Variants in MAD1L1 observed in about 807,000 individuals in gnomAD.
The protein encoded by MAD1L1 is mitotic spindle assembly checkpoint protein MAD1.
A neutral mutation model predicts 96.9 loss-of-function variants in MAD1L1; 95 were observed. The ratio of observed to expected loss-of-function variants is 0.98; its 90% confidence interval spans 0.83 to 1.16. The LOEUF (loss-of-function observed/expected upper bound fraction) is 1.16. Ranked by LOEUF, MAD1L1 falls within the 50% of genes most tolerant of loss-of-function variation. The probability of loss-of-function intolerance (pLI) is 0.00; values close to 1 mark genes in which losing one functional copy is unlikely to be tolerated. For synonymous variants in MAD1L1, 473 were observed against 396.6 expected (o/e 1.19, Z -2.29); for missense variants, 1,007 against 954.4 (o/e 1.06, Z -0.73).
chr7:2,091,260 G>A (rs922427924), intron 11 of MAD1L1, among the ~76,000 whole-genome samples: 22 of 152,198 alleles, frequency 1.4e-4, no homozygotes, highest in African/African-American at 4.1e-4. Context: ...TCCTCCTACC[G>A]AGAACAGTGC....
At chr7:1,902,568 T>G (rs1337624696) in intron 17 of MAD1L1, among the ~76,000 whole-genome samples, 1 of 152,260 alleles carries the variant, frequency 6.6e-6, no homozygotes, top group African/African-American at 2.4e-5. Flanking sequence ...CGACGGATCT[T>G]AGGAGTGCAG....
At chr7:2,188,398 A>G (rs1315019926) in intron 10 of MAD1L1, among the ~76,000 whole-genome samples, 2 of 152,244 alleles carry the variant, frequency 1.3e-5, no homozygotes, top group Non-Finnish European at 2.9e-5. Context: ...CAATCTTGAA[A>G]AGTTAGAACA....
chr7:1,898,072 C>T, intron 18 of MAD1L1, 128 bp downstream of exon 18: 3 of 1,007,124 alleles, frequency 3.0e-6, no homozygotes, highest in African/African-American at 1.6e-5. Context: ...CACCTCCTTC[C>T]CGCCCAGCCC....
chr7:2,152,230 G>A (rs1434965734), intron 10 of MAD1L1, among the ~76,000 whole-genome samples: 1 of 152,218 alleles, frequency 6.6e-6, no homozygotes, highest in Non-Finnish European at 1.5e-5. Flanking sequence ...TAGGCCCCCA[G>A]ATCCCTGCCG....
chr7:2,216,895 G>A (rs1017656851), intron 7 of MAD1L1, among the ~76,000 whole-genome samples: 6 of 152,146 alleles, frequency 3.9e-5, no homozygotes, highest in South Asian at 4.1e-4. Flanking sequence ...CAGGGGCCTC[G>A]AAGCTGCTTC....
chr7:2,007,404 C>T lies in MAD1L1; in HGVS notation c.1360-5283G>A, dbSNP rs150877769. Among the ~76,000 whole-genome samples, 1,242 of 152,336 alleles carry T rather than the reference C, an allele frequency of 8.2e-3. 6 individuals carry two copies. The highest frequency in any genetic ancestry group is 0.013 in the Admixed American group (194 of 15,302). On this transcript the variant is annotated intron_variant, in intron 13 of 18. Transcript: ENST00000265854. ...GGCAATGTCTTAAGAAGTTAGGGCC[C>T]GGCCCGGTGGCTCACGCCTGGAATC... is the stretch of plus-strand genomic sequence containing the variant.
At chr7:2,130,990 C>T (rs894581631) in intron 11 of MAD1L1, among the ~76,000 whole-genome samples, 1 of 152,230 alleles carries the variant, frequency 6.6e-6, no homozygotes, top group Non-Finnish European at 1.5e-5. Flanking sequence ...GGAACTTCCA[C>T]GCTTCGGAAC....
intron 18 of MAD1L1, among the ~76,000 whole-genome samples, chr7:1,893,876 G>A (rs957198015): frequency 1.3e-5 from 2 of 152,232 alleles, no homozygotes; most frequent in African/African-American, 4.8e-5. Context: ...CAGGGCCACC[G>A]CTGCATGGCC....
chr7:1,949,092 C>T (rs764514690), intron 16 of MAD1L1, among the ~76,000 whole-genome samples: 4 of 152,160 alleles, frequency 2.6e-5, no homozygotes, highest in African/African-American at 7.2e-5. Context: ...CAACGCTGCC[C>T]GGGCCCTGCT....
intron 10 of MAD1L1, among the ~76,000 whole-genome samples, chr7:2,157,308 C>T (rs1789895408): frequency 1.3e-5 from 2 of 152,164 alleles, no homozygotes; most frequent in Admixed American, 1.3e-4. Context: ...GATCAGGAAG[C>T]GGTAATGATG....
chr7:2,117,208 C>T (rs1356403990), intron 11 of MAD1L1, among the ~76,000 whole-genome samples: 2 of 152,322 alleles, frequency 1.3e-5, no homozygotes, highest in Non-Finnish European at 2.9e-5. Context: ...CTGGGGGCCA[C>T]CGTCAGGGAG....
chr7:1,924,126 G>T (rs1440607666), intron 17 of MAD1L1, among the ~76,000 whole-genome samples: 5 of 152,222 alleles, frequency 3.3e-5, no homozygotes, highest in Non-Finnish European at 5.9e-5. Flanking sequence ...GGAGATGCTG[G>T]AATTATCGAG....
intron 16 of MAD1L1, among the ~76,000 whole-genome samples, chr7:1,952,898 C>A (rs1220980183): frequency 6.6e-6 from 1 of 152,228 alleles, no homozygotes; most frequent in Non-Finnish European, 1.5e-5. Context: ...GCGGGAGAGG[C>A]CAGACCTGAG....
intron 10 of MAD1L1, among the ~76,000 whole-genome samples, chr7:2,160,585 G>T (rs573091996): frequency 2.6e-5 from 4 of 151,804 alleles, no homozygotes; most frequent in African/African-American, 4.8e-5. Context: ...TGCCCGCTTC[G>T]GCCTCCCAAA....
At chr7:2,197,839 C>T (rs1415706152) in intron 10 of MAD1L1, among the ~76,000 whole-genome samples, 1 of 152,152 alleles carries the variant, frequency 6.6e-6, no homozygotes, top group Admixed American at 6.5e-5. Flanking sequence ...AACACACATT[C>T]CCAAAACAGA....
chr7:1,936,814 G>C lies in MAD1L1; in HGVS notation c.1680C>G (p.Asp560Glu). ...TSVARQRLRE[D>E]HSQLQAECER... Reference sequence around the variant, plus strand: ...CGCACTCCGCCTGCAGCTGGCTGTGGTCCTCGCGCAGGCGCTGCCTGGCCA... The same window carrying C: ...CGCACTCCGCCTGCAGCTGGCTGTGCTCCTCGCGCAGGCGCTGCCTGGCCA... Residue 560 changes from aspartate (D) to glutamate (E), a missense_variant, in exon 17 of 19, where the codon GAC becomes GAG. Coordinates refer to ENST00000265854, the MANE Select transcript of MAD1L1 (RefSeq NM_001013836.2). 1 of 1,599,680 alleles carries C rather than the reference G, an allele frequency of 6.3e-7. No homozygotes were observed. The highest frequency in any genetic ancestry group is 1.7e-5 in the Admixed American group (1 of 57,856).
intron 18 of MAD1L1, chr7:1,838,718 C>G (rs1783067978): frequency 2.1e-6 from 1 of 466,644 alleles, no homozygotes; most frequent in African/African-American, 2.0e-5. Flanking sequence ...GTGATAAAGG[C>G]ATTCATTCCA....
At chr7:1,910,688 C>A (rs1157210247) in intron 17 of MAD1L1, among the ~76,000 whole-genome samples, 1 of 152,246 alleles carries the variant, frequency 6.6e-6, no homozygotes, top group African/African-American at 2.4e-5. Flanking sequence ...GGCCTCTCTT[C>A]CACCTGGAAC....
intron 18 of MAD1L1, chr7:1,829,466 G>A (rs13242649): frequency 0.34 from 51,458 of 152,148 alleles, 9,326 homozygotes; most frequent in Non-Finnish European, 0.42. Context: ...GTACCTGGAC[G>A]TGGGACCTTC....
Sources: allele counts gnomAD v4.1 joint callset (sites outside exome capture counted in the v4.1 genomes callset), GRCh38; gene constraint gnomAD v4.1.1; transcripts MANE v1.5; gene names NCBI Gene and HGNC (gene_info 2026-07-23, HGNC 2026-07-21).